Variants in NUP160 observed in about 807,000 individuals in gnomAD.
The protein encoded by NUP160 is nucleoporin 160, also known as nuclear pore complex protein Nup160.
A neutral mutation model predicts 196.9 loss-of-function variants in NUP160; 94 were observed. The ratio of observed to expected loss-of-function variants is 0.48; its 90% confidence interval spans 0.40 to 0.57. NUP160 has a LOEUF of 0.57. NUP160 is among the 20% of genes least tolerant of loss of function. The pLI, the probability that NUP160 is intolerant of heterozygous loss-of-function variation, is 0.00. For missense variants in NUP160, 1,638 were observed against 1,748.3 expected (o/e 0.94, Z 1.13); for synonymous variants, 605 against 619.7 (o/e 0.98, Z 0.35).
Position 47,808,535 on chromosome 11 carries a change from C to T in NUP160, c.2242-6G>A, listed in dbSNP as rs767217464. On this transcript the variant is annotated splice_polypyrimidine_tract_variant and splice_region_variant and intron_variant, in intron 17 of 35. Coordinates refer to ENST00000378460, the Ensembl canonical transcript of NUP160. ...TGACCAGTTCCCCAAATCACCTATACATTATGGGTAGGTGGACCAGACAAG... is the reference window on the plus strand; with the variant it reads ...TGACCAGTTCCCCAAATCACCTATATATTATGGGTAGGTGGACCAGACAAG... The T allele has an allele frequency of 6.2e-6, 10 of 1,611,044 alleles. No individual in the cohort carries two copies. Among genetic ancestry groups the T allele is most frequent in the Admixed American group, 5.0e-5 (3 of 59,452 alleles).
At chr11:47,799,504 C>T (rs546973895) in intron 23 of NUP160, among the ~76,000 whole-genome samples, 134 of 152,128 alleles carry the variant, frequency 8.8e-4, no homozygotes, top group Non-Finnish European at 1.5e-3. Context: ...ATCCAAAATA[C>T]GCATTTATAA....
At chr11:47,820,546 T>C (rs1328523999) in intron 9 of NUP160, among the ~76,000 whole-genome samples, 1 of 152,004 alleles carries the variant, frequency 6.6e-6, no homozygotes, top group Non-Finnish European at 1.5e-5. Flanking sequence ...TTATTTTATT[T>C]ATTTATATTT....
exon 27 of NUP160, chr11:47,797,801 G>A (rs2097671696): frequency 1.2e-6 from 2 of 1,612,404 alleles, no homozygotes; most frequent in Non-Finnish European, 1.7e-6. Context: ...TGTGGCGATA[G>A]ATGTGAAAGG....
chr11:47,788,245 G>T, exon 31 of NUP160: 1 of 1,613,482 alleles, frequency 6.2e-7, no homozygotes, highest in Non-Finnish European at 8.5e-7. Flanking sequence ...GAGTGATATG[G>T]CAGTGTCAAA....
chr11:47,833,573 C>T (rs1176956117), intron 7 of NUP160, among the ~76,000 whole-genome samples: 3 of 152,084 alleles, frequency 2.0e-5, no homozygotes, highest in Non-Finnish European at 4.4e-5. Flanking sequence ...TTTCAGAAAA[C>T]TTCGTATCCA....
At chr11:47,829,099 G>A (rs1852028175) in intron 7 of NUP160, among the ~76,000 whole-genome samples, 1 of 152,050 alleles carries the variant, frequency 6.6e-6, no homozygotes, top group Non-Finnish European at 1.5e-5. Flanking sequence ...AGATAATCTG[G>A]ACTTTATCAA....
intron 27 of NUP160, chr11:47,796,215 T>C (rs2097670840): frequency 2.1e-6 from 1 of 474,316 alleles, no homozygotes; most frequent in Non-Finnish European, 3.9e-6. Context: ...GGTGAGATCT[T>C]CCACACAGAA....
exon 17 of NUP160, chr11:47,812,176 T>A (rs2097681566): frequency 6.2e-7 from 1 of 1,614,038 alleles, no homozygotes; most frequent in Non-Finnish European, 8.5e-7. Context: ...CCCTGCTGTG[T>A]TACTACCATA....
At position 47,829,699 on chromosome 11, in the gene NUP160, C is replaced by T. The variant is rs11828394; in HGVS notation, c.1101+5952G>A. 8.0e-3 allele frequency among the ~76,000 whole-genome samples: 1,214 copies of T among 152,200 alleles called. 18 individuals carry two copies. Among genetic ancestry groups the T allele is most frequent in the African/African-American group, 0.027 (1,130 of 41,524 alleles). ...ACTGAAGCTGGATCCCTTCCTTACACGATATACAAAAATCAACTCAAGATG... is the reference window on the plus strand; with the variant it reads ...ACTGAAGCTGGATCCCTTCCTTACATGATATACAAAAATCAACTCAAGATG... On this transcript the variant is annotated intron_variant, in intron 7 of 35. Transcript: ENST00000378460.
intron 12 of NUP160, 99 bp from the exon 13 acceptor site, chr11:47,815,748 G>T: frequency 9.2e-7 from 1 of 1,088,144 alleles, no homozygotes; most frequent in Non-Finnish European, 1.3e-6. Context: ...CTAAGCTACA[G>T]CCAAATGAAT....
At chr11:47,792,640 A>G (rs1258435178) in intron 28 of NUP160, 146 bp downstream of exon 28, 10 of 754,574 alleles carry the variant, frequency 1.3e-5, no homozygotes, top group Admixed American at 5.5e-5. Context: ...ATTGAATTGT[A>G]AACATAGATT....
At chr11:47,806,791 ACACAC>A (rs2097677945) in intron 19 of NUP160, among the ~76,000 whole-genome samples, 1 of 8,342 alleles carries the variant, frequency 1.2e-4, no homozygotes, top group Admixed American at 8.6e-4. Context: ...AAGCAGCTAT[ACACAC>A]ACACACACAC....
intron 7 of NUP160, among the ~76,000 whole-genome samples, chr11:47,828,301 T>C (rs1445061367): frequency 1.3e-5 from 2 of 151,816 alleles, no homozygotes; most frequent in African/African-American, 4.9e-5. Context: ...CAACTGTATT[T>C]CTATCAACTT....
intron 27 of NUP160, among the ~76,000 whole-genome samples, chr11:47,796,982 C>T (rs1321882149): frequency 2.0e-5 from 3 of 152,102 alleles, no homozygotes; most frequent in Non-Finnish European, 2.9e-5. Context: ...CGTGGGCCAC[C>T]GCGCCCAACC....
chr11:47,832,557 C>A (rs1852098013), intron 7 of NUP160, among the ~76,000 whole-genome samples: 1 of 152,190 alleles, frequency 6.6e-6, no homozygotes, highest in African/African-American at 2.4e-5. Context: ...TGGCCCCGAC[C>A]CAGAAGCAGA....
chr11:47,783,192 C>A, exon 34 of NUP160: 1 of 1,613,198 alleles, frequency 6.2e-7, no homozygotes, highest in South Asian at 1.1e-5. Flanking sequence ...TCAGCAGCAT[C>A]AACCTTCTGT....
In NUP160 at chr11:47,816,426, A is replaced by G. The variant is rs959960540; in HGVS notation, c.1432-397T>C. On this transcript the variant is annotated intron_variant, in intron 11 of 35. Transcript: ENST00000378460. ...CTAAAATATTCTAATATAATTTTCA[A>G]TTATATGAGTTATTGTATTTTAAAT... 3.3e-5 allele frequency among the ~76,000 whole-genome samples: 5 copies of G among 152,330 alleles called. No homozygotes were observed. The South Asian group carries it at 1.0e-3, about 32-fold the overall frequency.
intron 2 of NUP160, among the ~76,000 whole-genome samples, chr11:47,846,682 AT>A (rs1196270491): frequency 3.9e-5 from 6 of 152,058 alleles, no homozygotes; most frequent in South Asian, 2.1e-4. Context: ...TAAAAGCAAA[AT>A]TTTTTTTGTA....
At chr11:47,832,777 C>T (rs958236022) in intron 7 of NUP160, among the ~76,000 whole-genome samples, 9 of 152,316 alleles carry the variant, frequency 5.9e-5, no homozygotes, top group African/African-American at 2.2e-4. Context: ...ATTCCAATTC[C>T]TGTCTTGATA....
Sources: gnomAD v4.1 joint callset for allele counts (sites outside exome capture counted in the v4.1 genomes callset) on GRCh38, gnomAD v4.1.1 for gene constraint, MANE v1.5 for transcripts, NCBI Gene and HGNC (gene_info 2026-07-23, HGNC 2026-07-21) for gene names.